The following ATP2A1 variants were observed in gnomAD, a reference collection of about 807,000 sequenced individuals.
ATP2A1 encodes sarcoplasmic/endoplasmic reticulum calcium ATPase 1.
Under a neutral mutation model 109.5 loss-of-function variants are expected in ATP2A1, and 83 were observed. That is an observed-to-expected ratio of 0.76 (90% confidence interval 0.63 to 0.91). The LOEUF is 0.91. ATP2A1 is among the 40% of genes least tolerant of loss of function. ATP2A1 has a pLI of 0.00. For synonymous variants in ATP2A1, 505 were observed against 537.6 expected (o/e 0.94, Z 0.84); for missense variants, 1,101 against 1,341.0 (o/e 0.82, Z 2.80).
Position 28,888,901 on chromosome 16 carries a change from T to C in ATP2A1, c.1043T>C (p.Ile348Thr), listed in dbSNP as rs1443046502. 6.2e-7 allele frequency: 1 copy of C among 1,614,084 alleles called. No individual in the cohort carries two copies. The highest frequency in any genetic ancestry group is 1.7e-5 in the Admixed American group (1 of 60,012). The change falls in exon 9 of 23, where the codon ATC becomes ACC. Residue 348 changes from isoleucine to threonine, a missense_variant. By Grantham distance (89) the Ile-to-Thr change is moderately conservative (BLOSUM62 -1). Coordinates refer to ENST00000395503, the MANE Select transcript of ATP2A1 (RefSeq NM_004320.6). The stretch of plus-strand genomic sequence containing the variant: ...GAGACCCTGGGCTGCACCTCTGTCA[T>C]CTGTTCCGACAAGACAGGCACCCTC... ...SVETLGCTSV[I>T]CSDKTGTLTT...
chr16:28,903,099 C>A lies in ATP2A1; in HGVS notation c.2814C>A (p.Cys938Ter). ...ACATCTGGCTGCTGGGCTCCATCTG[C>A]CTCTCCATGTCCCTGCACTTCCTCA... ...WVNIWLLGSICLSMSLHFLIL... is the reference protein window; with the variant it reads ...WVNIWLLGSI Residue 938 changes from cysteine to a stop codon, truncating the protein, a stop_gained, in exon 20 of 23, where the codon TGC becomes TGA. Coordinates refer to ENST00000395503, the MANE Select transcript of ATP2A1 (RefSeq NM_004320.6). LOFTEE classifies it high-confidence loss of function. The surrounding 1 kb of genome is among the most constrained non-coding windows in gnomAD (Gnocchi z 5.6). The A allele has an allele frequency of 6.2e-7, 1 of 1,613,858 alleles. No individual in the cohort carries two copies. Among genetic ancestry groups the A allele is most frequent in the Non-Finnish European group, 8.5e-7 (1 of 1,180,014 alleles).
Position 28,883,232 on chromosome 16 carries a change from C to G in ATP2A1, c.463+643C>G, listed in dbSNP as rs868148345. Among the ~76,000 whole-genome samples, 1 of 152,190 alleles carries G rather than the reference C, an allele frequency of 6.6e-6. No individual in the cohort carries two copies. The highest frequency in any genetic ancestry group is 2.4e-5 in the African/African-American group (1 of 41,460). On this transcript the variant is annotated intron_variant, in intron 5 of 22. Coordinates refer to ENST00000395503, the MANE Select transcript of ATP2A1 (RefSeq NM_004320.6). This position sits in a 1 kb window ranked among gnomAD's most constrained non-coding sequence, Gnocchi z 5.2. Reference sequence around the variant, plus strand: ...TATGTTTGCCCTGAGCAGGCCTTCCCGAAGCTCCAGGCCCCTGCCAGGGGG... The same window carrying G: ...TATGTTTGCCCTGAGCAGGCCTTCCGGAAGCTCCAGGCCCCTGCCAGGGGG...
rs767250851 is a variant in ATP2A1, at chr16:28,898,061, T to A, written c.1481T>A (p.Met494Lys). The change falls in exon 13 of 23, where the codon ATG becomes AAG. Residue 494 changes from methionine (M) to lysine (K), a missense_variant. Coordinates refer to ENST00000395503, the MANE Select transcript of ATP2A1 (RefSeq NM_004320.6). The surrounding 1 kb of genome is among the most constrained non-coding windows in gnomAD (Gnocchi z 4.0). ...TLEFSRDRKS[M>K]SVYCSPAKSS... ...GAGTTCTCCCGAGACAGAAAGTCCA[T>A]GTCTGTCTATTGCTCCCCAGCCAAA... 1.2e-6 allele frequency: 2 copies of A among 1,614,128 alleles called. No individual in the cohort carries two copies. The highest frequency in any genetic ancestry group is 2.2e-5 in the South Asian group (2 of 91,078).
At chr16:28,901,786 A>G (rs972768234) in intron 15 of ATP2A1, 77 bp from the exon 16 acceptor site, 1 of 1,289,986 alleles carries the variant, frequency 7.8e-7, no homozygotes, top group African/African-American at 1.5e-5. Flanking sequence ...GTGAGACCTC[A>G]TCCCTAAAAT....
Position 28,880,594 on chromosome 16 carries a change from A to G in ATP2A1, c.220-321A>G, listed in dbSNP as rs1254311236. Among the ~76,000 whole-genome samples, 3 of 152,208 alleles carry G rather than the reference A, an allele frequency of 2.0e-5. No homozygotes were observed. The highest frequency in any genetic ancestry group is 2.9e-5 in the Non-Finnish European group (2 of 68,042). On this transcript the variant is annotated intron_variant, in intron 3 of 22. Coordinates refer to ENST00000395503, the MANE Select transcript of ATP2A1 (RefSeq NM_004320.6). This position sits in a 1 kb window ranked among gnomAD's most constrained non-coding sequence, Gnocchi z 4.2. ...TCGGGTTTTGGCTCCCGTGGGATGG[A>G]TGTGGCTGTGCGGGGGGTTGGCCTG...
At chr16:28,894,479 C>G (rs746696483) in intron 10 of ATP2A1, 26 bp from the exon 11 acceptor site, 2 of 1,605,866 alleles carry the variant, frequency 1.2e-6, no homozygotes, top group Admixed American at 1.7e-5. Flanking sequence ...TGTCTCTGTC[C>G]CTTCCTCCCC....
At chr16:28,881,180 A>G (rs1963464420) in intron 4 of ATP2A1, among the ~76,000 whole-genome samples, 161 bp downstream of exon 4, 1 of 152,100 alleles carries the variant, frequency 6.6e-6, no homozygotes. Context: ...AAGAGGTGGG[A>G]GACTGTGACC....
intron 9 of ATP2A1, among the ~76,000 whole-genome samples, chr16:28,891,589 C>CAAAAAAAAAAAA (rs58605175): frequency 2.8e-5 from 2 of 72,672 alleles, no homozygotes; most frequent in African/African-American, 6.6e-5. Flanking sequence ...GACTCCGTCT[C>CAAAAAAAAAAAA]AAAAAAAAAA....
At position 28,880,866 on chromosome 16, in the gene ATP2A1, C is replaced by G; in HGVS notation, c.220-49C>G. The G allele has an allele frequency of 6.5e-7, 1 of 1,531,364 alleles. No homozygotes were observed. Among genetic ancestry groups the G allele is most frequent in the Non-Finnish European group, 9.1e-7 (1 of 1,104,690 alleles). The allele number at this position is 1,531,364 out of a possible 1,614,324, so 94.9% of individuals were successfully genotyped here. A position where few individuals can be genotyped will look rare whatever the true frequency, so the allele number is the denominator to read the frequency against. On this transcript the variant is annotated intron_variant, in intron 3 of 22. Coordinates refer to ENST00000395503, the MANE Select transcript of ATP2A1 (RefSeq NM_004320.6). The surrounding 1 kb of genome is among the most constrained non-coding windows in gnomAD (Gnocchi z 4.2). ...GCAGTGGTCCACTTCCTTTCTCCAT[C>G]TGTTTTGGGGCCTCATTACCTGTCA...
rs1006534577 is a variant in ATP2A1 at position 28,898,470 on chromosome 16, C to T, written c.1764+19C>T. 2 of 1,608,824 alleles carry T rather than the reference C, an allele frequency of 1.2e-6. No individual in the cohort carries two copies. The highest frequency in any genetic ancestry group is 1.7e-6 in the Non-Finnish European group (2 of 1,177,850). On this transcript the variant is annotated intron_variant, in intron 14 of 22. Transcript: ENST00000395503. The surrounding 1 kb of genome is among the most constrained non-coding windows in gnomAD (Gnocchi z 4.0). ...GTATGAGGTAAGCAGCTGGGAGCCT[C>T]CCACTGTCGTGGAGCTGGTGAAGGG... is the stretch of plus-strand genomic sequence containing the variant.
Position 28,902,801 on chromosome 16 carries a change from G to A in ATP2A1, c.2634G>A (p.Glu878=), listed in dbSNP as rs763991120. 21 of 1,613,854 alleles carry A rather than the reference G, an allele frequency of 1.3e-5. No homozygotes were observed. The highest frequency in any genetic ancestry group is 1.6e-5 in the Non-Finnish European group (19 of 1,179,906). Residue 878 remains glutamate (E), a synonymous_variant, in exon 19 of 23, where the codon GAG becomes GAA. Transcript: ENST00000395503. This position sits in a 1 kb window ranked among gnomAD's most constrained non-coding sequence, Gnocchi z 4.8. ...SQLTHFMQCT[E]DNTHFEGIDC... is the part of the protein sequence containing the mutation. ...AGACTCACTTCATGCAGTGCACCGA[G>A]GACAACACCCACTTTGAGGGCATAG...
At chr16:28,896,367 C>A (rs1230727089) in intron 12 of ATP2A1, among the ~76,000 whole-genome samples, 1 of 151,992 alleles carries the variant, frequency 6.6e-6, no homozygotes, top group Non-Finnish European at 1.5e-5. Flanking sequence ...GCTGGGATTA[C>A]AGATGCAAGC....
At position 28,884,632 on chromosome 16, in the gene ATP2A1, G is replaced by A. The variant is rs149506518; in HGVS notation, c.521G>A (p.Arg174Gln). The change falls in exon 6 of 23, where the codon CGG becomes CAG. Residue 174 changes from arginine (R) to glutamine (Q), a missense_variant. Coordinates refer to ENST00000395503, the MANE Select transcript of ATP2A1 (RefSeq NM_004320.6). ...RILAIKSTTL[R>Q]VDQSILTGES... ...CTCGCCATCAAATCCACCACGCTGCGGGTTGACCAGTCCATCCTGACAGGT... is the reference window on the plus strand; with the variant it reads ...CTCGCCATCAAATCCACCACGCTGCAGGTTGACCAGTCCATCCTGACAGGT... The A allele has an allele frequency of 4.9e-5, 79 of 1,613,592 alleles. No individual in the cohort carries two copies. The highest frequency in any genetic ancestry group is 6.5e-5 in the Non-Finnish European group (77 of 1,180,008).
Position 28,903,514 on chromosome 16 carries a change from C to T in ATP2A1, c.2980+74C>T. 7.1e-7 allele frequency: 1 copy of T among 1,402,182 alleles called. No homozygotes were observed. The allele number at this position is 1,402,182 out of a possible 1,614,324, so 86.9% of individuals were successfully genotyped here. A position where few individuals can be genotyped will look rare whatever the true frequency, so the allele number is the denominator to read the frequency against. ...TCCCCATGACGCCGCCCCCGCCCCG[C>T]CCCGTACTTTGCAGGTGGTAAGTTT... On this transcript the variant is annotated intron_variant, in intron 21 of 22. Transcript: ENST00000395503. This position sits in a 1 kb window ranked among gnomAD's most constrained non-coding sequence, Gnocchi z 5.6.
At position 28,900,782 on chromosome 16, in the gene ATP2A1, CGA is replaced by C; in HGVS notation, c.1970_1971del (p.Glu657ValfsTer8). On this transcript the variant is annotated frameshift_variant, in exon 15 of 23. Transcript: ENST00000395503. LOFTEE classifies it high-confidence loss of function. Reference protein sequence around the residue: ...EEVADRAYTGREFDDLPLAEQ... With the variant: ...EEVADRAYTGXEFDDLPLAEQ... Reference sequence around the variant, plus strand: ...GGTGGCCGATCGCGCCTACACGGGCCGAGAGTTCGACGACCTGCCCCTGGCTG... The same window carrying C: ...GGTGGCCGATCGCGCCTACACGGGCCGAGTTCGACGACCTGCCCCTGGCTG... 1 of 1,614,188 alleles carries C rather than the reference CGA, an allele frequency of 6.2e-7. No individual in the cohort carries two copies. The highest frequency in any genetic ancestry group is 2.2e-5 in the East Asian group (1 of 44,878).
At chr16:28,884,743 C>A in intron 6 of ATP2A1, 88 bp downstream of exon 6, 1 of 1,256,042 alleles carries the variant, frequency 8.0e-7, no homozygotes, top group Non-Finnish European at 1.1e-6. Flanking sequence ...AGACAGAGAA[C>A]CCTCACTGTC....
chr16:28,901,493 C>T (rs534758248), intron 15 of ATP2A1, among the ~76,000 whole-genome samples: 7 of 152,100 alleles, frequency 4.6e-5, no homozygotes, highest in African/African-American at 9.6e-5. Context: ...ATTGGCCGTG[C>T]GTGGTGGCAC....
rs764156511 is a variant in ATP2A1 at position 28,882,528 on chromosome 16, C to A, written c.402C>A (p.Arg134=). Reference sequence around the variant, plus strand: ...TGGGGAAGGTCTACCGGGCTGACCGCAAGTCAGTGCAAAGGATCAAGGCTC... The same window carrying A: ...TGGGGAAGGTCTACCGGGCTGACCGAAAGTCAGTGCAAAGGATCAAGGCTC... ...PEMGKVYRAD[R]KSVQRIKARD... The change falls in exon 5 of 23, where the codon CGC becomes CGA. Residue 134 remains arginine (R), a synonymous_variant. Transcript: ENST00000395503. 7.4e-6 allele frequency: 12 copies of A among 1,614,106 alleles called. No individual in the cohort carries two copies.
chr16:28,901,912 G>A lies in ATP2A1; in HGVS notation c.2150G>A (p.Gly717Asp), dbSNP rs1342107845. The A allele has an allele frequency of 6.2e-7, 1 of 1,614,206 alleles. No individual in the cohort carries two copies. The change falls in exon 16 of 23, where the codon GGC becomes GAC. Residue 717 changes from glycine to aspartate, a missense_variant. Gly to Asp is a moderately conservative substitution (Grantham distance 94). Transcript: ENST00000395503. ...DAPALKKAEI[G>D]IAMGSGTAVA... ...CCTGCCCTGAAGAAGGCTGAGATTG[G>A]CATTGCCATGGGATCTGGCACTGCC... is the stretch of plus-strand genomic sequence containing the variant.
Sources: allele counts gnomAD v4.1 joint callset (sites outside exome capture counted in the v4.1 genomes callset), GRCh38; gene constraint gnomAD v4.1.1; non-coding constraint Gnocchi (gnomAD v3.1); transcripts MANE v1.5; gene names NCBI Gene and HGNC (gene_info 2026-07-23, HGNC 2026-07-21).